Variants in ABCA4 observed in about 807,000 individuals in gnomAD.
The protein encoded by ABCA4 is retinal-specific phospholipid-transporting ATPase ABCA4.
In ABCA4, 196 loss-of-function variants were observed where a neutral mutation model predicts 263.7. The ratio of observed to expected loss-of-function variants is 0.74; its 90% CI spans 0.66 to 0.84. ABCA4 has a LOEUF of 0.84. Ranked by LOEUF, ABCA4 falls within the 40% of genes least tolerant of loss-of-function variation. The probability of loss-of-function intolerance (pLI) is 0.00; values close to 1 mark genes in which losing one functional copy is unlikely to be tolerated. For missense variants in ABCA4, 2,792 were observed against 2,855.1 expected (o/e 0.98, Z 0.50); for synonymous variants, 1,133 against 1,094.2 (o/e 1.04, Z -0.70).
At chr1:94,029,760 G>A (rs1347407652) in intron 29 of ABCA4, 129 bp from the exon 30 acceptor site, 47 of 939,874 alleles carry the variant, frequency 5.0e-5, no homozygotes, top group Non-Finnish European at 3.0e-5. Context: ...TATTCTCTTG[G>A]AGGCTGGTTT....
At chr1:94,034,877 G>A (rs1660300089) in intron 26 of ABCA4, among the ~76,000 whole-genome samples, 1 of 152,302 alleles carries the variant, frequency 6.6e-6, no homozygotes. Flanking sequence ...ATCAGTGATC[G>A]TATACTGTGT....
Position 94,056,838 on chromosome 1 carries a change from C to A in ABCA4, c.2161-16G>T. 1 of 1,577,366 alleles carries A rather than the reference C, an allele frequency of 6.3e-7. No individual in the cohort carries two copies. Among genetic ancestry groups the A allele is most frequent in the Non-Finnish European group, 8.6e-7 (1 of 1,159,676 alleles). On this transcript the variant is annotated splice_polypyrimidine_tract_variant and intron_variant, in intron 14 of 49. Coordinates refer to ENST00000370225, the MANE Select transcript of ABCA4 (RefSeq NM_000350.3). The stretch of plus-strand genomic sequence containing the variant: ...TTCTTCCATGCTGAAACCAAGAGGC[C>A]ATGCGTCAGTAACTCCTGCCCTTGG...
chr1:94,076,255 G>T (rs1661533625), intron 11 of ABCA4, among the ~76,000 whole-genome samples: 1 of 152,142 alleles, frequency 6.6e-6, no homozygotes, highest in African/African-American at 2.4e-5. Context: ...TAGGAGCATT[G>T]CTTCTGCTAT....
In ABCA4 at chr1:93,993,838, AT is replaced by A; in HGVS notation, c.6817-597del. Among the ~76,000 whole-genome samples the A allele has an allele frequency of 2.0e-5, 3 of 152,262 alleles. No individual in the cohort carries two copies. The East Asian group carries it at 5.8e-4, about 29-fold the overall frequency. On this transcript the variant is annotated intron_variant, in intron 49 of 49. Coordinates refer to ENST00000370225, the MANE Select transcript of ABCA4 (RefSeq NM_000350.3). ...AACTGGAGAGATACTGTCTCCAGTT[AT>A]AAAGTGTGGGTTGAATTCCTGAACC...
At chr1:94,042,723 TGAGAGCCCAGC>T (rs745344374) in intron 22 of ABCA4, 27 bp downstream of exon 22, 1 of 1,614,000 alleles carries the variant, frequency 6.2e-7, no homozygotes, top group East Asian at 2.2e-5. Flanking sequence ...AGGGCTGCAG[TGAGAGCCCAGC>T]CCAGGAGACT....
chr1:94,090,926 G>A (rs1661951490), intron 6 of ABCA4, among the ~76,000 whole-genome samples: 1 of 152,146 alleles, frequency 6.6e-6, no homozygotes, highest in Admixed American at 6.6e-5. Flanking sequence ...AGTTTCACCT[G>A]GGGACGGGGA....
intron 13 of ABCA4, among the ~76,000 whole-genome samples, chr1:94,061,662 C>A (rs1166330790): frequency 6.6e-6 from 1 of 152,204 alleles, no homozygotes; most frequent in Admixed American, 6.5e-5. Context: ...CCCACACCCA[C>A]CTCACTTCCC....
intron 47 of ABCA4, among the ~76,000 whole-genome samples, chr1:93,999,733 A>G (rs1659124453): frequency 6.6e-6 from 1 of 152,074 alleles, no homozygotes; most frequent in South Asian, 2.1e-4. Context: ...TTTACCTTTC[A>G]GCTCCAGAAA....
chr1:94,032,649 A>C (rs1660236766), intron 26 of ABCA4, among the ~76,000 whole-genome samples: 1 of 152,204 alleles, frequency 6.6e-6, no homozygotes, highest in Admixed American at 6.5e-5. Flanking sequence ...AGCACAAAGA[A>C]AACCAAACAA....
chr1:94,056,526 G>T (rs1456269900), intron 15 of ABCA4, 75 bp downstream of exon 15: 10 of 1,479,198 alleles, frequency 6.8e-6, no homozygotes, highest in Non-Finnish European at 9.3e-6. Flanking sequence ...CAGAGGGCAG[G>T]CTGGGCCTCC....
intron 8 of ABCA4, 89 bp downstream of exon 8, chr1:94,080,389 A>C: frequency 6.4e-7 from 1 of 1,566,356 alleles, no homozygotes; most frequent in South Asian, 1.1e-5. Flanking sequence ...GACAGATGCA[A>C]CCCCAGGTTT....
intron 3 of ABCA4, 87 bp from the exon 4 acceptor site, chr1:94,108,803 C>A: frequency 1.4e-6 from 2 of 1,458,752 alleles, no homozygotes; most frequent in South Asian, 1.2e-5. Flanking sequence ...TTTTTTATCT[C>A]GCTCTGTCAC....
Position 94,010,892 on chromosome 1 carries a change from C to T in ABCA4, c.5622G>A (p.Leu1874=). The part of the protein sequence containing the change: ...EHSANPFHWD[L]IGKNLFAMVV... ...CCATGGCAAACAGGTTCTTCCCAAT[C>T]AGGTCCCAGTGGAACGGATTTGCAG... The change falls in exon 40 of 50, where the codon CTG becomes CTA. Residue 1874 remains leucine (L), a synonymous_variant. Transcript: ENST00000370225. 1 of 1,614,162 alleles carries T rather than the reference C, an allele frequency of 6.2e-7. No homozygotes were observed. Among genetic ancestry groups the T allele is most frequent in the Non-Finnish European group, 8.5e-7 (1 of 1,180,026 alleles).
At chr1:94,018,550 A>G (rs1659801832) in intron 36 of ABCA4, 1 of 455,838 alleles carries the variant, frequency 2.2e-6, no homozygotes, top group Admixed American at 2.4e-5. Flanking sequence ...TAGAAATCAT[A>G]TCTTCAGGAA....
At chr1:94,016,055 G>C (rs1659729500) in intron 36 of ABCA4, among the ~76,000 whole-genome samples, 1 of 152,100 alleles carries the variant, frequency 6.6e-6, no homozygotes, top group African/African-American at 2.4e-5. Context: ...CTACCTCCCT[G>C]CCAAGGGAAC....
chr1:94,018,214 C>T (rs1209641472), intron 36 of ABCA4, among the ~76,000 whole-genome samples: 2 of 152,192 alleles, frequency 1.3e-5, no homozygotes, highest in African/African-American at 2.4e-5. Context: ...CACATACACA[C>T]ACACAGAAAC....
At chr1:94,095,567 CG>C (rs1196134505) in intron 6 of ABCA4, among the ~76,000 whole-genome samples, 2 of 152,138 alleles carry the variant, frequency 1.3e-5, no homozygotes, top group Non-Finnish European at 2.9e-5. Flanking sequence ...CGCGTCCCAG[CG>C]GGGCCCCTTC....
At chr1:94,088,445 C>G (rs922915907) in intron 6 of ABCA4, among the ~76,000 whole-genome samples, 4 of 152,200 alleles carry the variant, frequency 2.6e-5, no homozygotes, top group Admixed American at 1.3e-4. Flanking sequence ...TAAATCTGTA[C>G]CTCCAACCTA....
intron 1 of ABCA4, among the ~76,000 whole-genome samples, chr1:94,117,052 T>TC: frequency 6.7e-6 from 1 of 149,918 alleles, no homozygotes; most frequent in African/African-American, 2.5e-5. Context: ...TCTTCTTTCC[T>TC]TTCTTTCCTT....
Sources: gnomAD v4.1 joint callset for allele counts (sites outside exome capture counted in the v4.1 genomes callset) on GRCh38, gnomAD v4.1.1 for gene constraint, MANE v1.5 for transcripts, NCBI Gene and HGNC (gene_info 2026-07-23, HGNC 2026-07-21) for gene names.